RYR3: variants seen among roughly 807,000 people sequenced by gnomAD.
The protein encoded by RYR3 is brain ryanodine receptor-calcium release channel.
Under a neutral mutation model 584.3 loss-of-function variants are expected in RYR3, and 207 were observed. The observed-to-expected ratio is 0.35, with a 90% CI of 0.32 to 0.40. The LOEUF is 0.40. RYR3 is among the 10% of genes least tolerant of loss of function. The pLI is 1.00. For synonymous variants in RYR3, 2,416 were observed against 2,248.5 expected, an observed-to-expected ratio of 1.07 and a Z score of -2.11; for missense variants, 5,616 against 6,089.2, an observed-to-expected ratio of 0.92 and a Z score of 2.59.
chr15:33,668,968 A>C (rs553791989), intron 36 of RYR3, among the ~76,000 whole-genome samples: 1 of 152,298 alleles, frequency 6.6e-6, no homozygotes, highest in African/African-American at 2.4e-5. Context: ...TTGGATTAAG[A>C]AAGTAAGAAA....
At chr15:33,592,199 G>T (rs574240327) in intron 16 of RYR3, among the ~76,000 whole-genome samples, 9 of 152,300 alleles carry the variant, frequency 5.9e-5, no homozygotes, top group Admixed American at 2.0e-4. Flanking sequence ...TTTCTCATAT[G>T]ACTCTCCAAG....
intron 43 of RYR3, among the ~76,000 whole-genome samples, chr15:33,719,391 G>T (rs1349303650): frequency 6.6e-6 from 1 of 152,152 alleles, no homozygotes; most frequent in African/African-American, 2.4e-5. Context: ...CACCAACTTC[G>T]TGATGCCAAT....
At chr15:33,783,473 C>T (rs1260994644) in intron 65 of RYR3, among the ~76,000 whole-genome samples, 2 of 152,216 alleles carry the variant, frequency 1.3e-5, no homozygotes, top group African/African-American at 4.8e-5. Context: ...GTTTGTTCCA[C>T]TCAAGGGCCA....
chr15:33,514,225 G>A (rs1428074810), intron 3 of RYR3, among the ~76,000 whole-genome samples: 2 of 152,164 alleles, frequency 1.3e-5, no homozygotes, highest in South Asian at 2.1e-4. Context: ...TTGTTCGAGA[G>A]AGAAACATGC....
intron 1 of RYR3, among the ~76,000 whole-genome samples, chr15:33,457,005 C>T (rs1385005016): frequency 6.6e-6 from 1 of 151,974 alleles, no homozygotes; most frequent in Admixed American, 6.6e-5. Flanking sequence ...TAGGTAGCTA[C>T]CTGTAGATGA....
At chr15:33,652,586 A>G in intron 31 of RYR3, 132 bp from the exon 32 acceptor site, 1 of 887,276 alleles carries the variant, frequency 1.1e-6, no homozygotes, top group Non-Finnish European at 1.7e-6. Context: ...AGGAAAAAAA[A>G]GTATTTGGGG....
chr15:33,856,412 C>A (rs140934780), intron 98 of RYR3: 1 of 152,280 alleles, frequency 6.6e-6, no homozygotes, highest in Non-Finnish European at 1.5e-5. Context: ...GTCAGATGTG[C>A]AGGTCCTGTG....
intron 70 of RYR3, among the ~76,000 whole-genome samples, chr15:33,808,827 T>A (rs991859707): frequency 6.6e-6 from 1 of 152,116 alleles, no homozygotes; most frequent in Non-Finnish European, 1.5e-5. Flanking sequence ...TTCCCTCTGT[T>A]TATATTTCTT....
rs1214307398 is a variant in RYR3, at chr15:33,649,098, T to G, written c.4005T>G (p.Phe1335Leu). ...AGTGCTACTACGCCATCCGCATCTT[T>G]GCTGGACAGGATCCATCCTGTGTCT... ...TTQCYYAIRI[F>L]AGQDPSCVWV... is the part of the protein sequence containing the mutation. The change falls in exon 31 of 104, where the codon TTT becomes TTG. Residue 1335 changes from phenylalanine to leucine, a missense_variant. Phe to Leu is a conservative substitution (Grantham distance 22). This residue lies in a region of RYR3 where 753 missense variants were observed against 741.0 expected (regional missense o/e 1.02). Coordinates refer to ENST00000634891, the MANE Select transcript of RYR3 (RefSeq NM_001036.6). 1 of 1,613,654 alleles carries G rather than the reference T, an allele frequency of 6.2e-7. No homozygotes were observed. Among genetic ancestry groups the G allele is most frequent in the East Asian group, 2.2e-5 (1 of 44,880 alleles).
chr15:33,790,795 G>T (rs557289428), intron 67 of RYR3, among the ~76,000 whole-genome samples: 3 of 152,222 alleles, frequency 2.0e-5, no homozygotes, highest in East Asian at 3.9e-4. Flanking sequence ...GTACTAAGAG[G>T]TCAGGTAGAA....
chr15:33,554,666 A>G (rs1422337041), intron 10 of RYR3, among the ~76,000 whole-genome samples: 1 of 152,178 alleles, frequency 6.6e-6, no homozygotes, highest in African/African-American at 2.4e-5. Context: ...ATCTCTTCCC[A>G]GTACACACCC....
chr15:33,659,522 G>A (rs2063020679), intron 32 of RYR3, among the ~76,000 whole-genome samples, 198 bp from the exon 33 acceptor site: 1 of 152,244 alleles, frequency 6.6e-6, no homozygotes, highest in South Asian at 2.1e-4. Flanking sequence ...GCCCTGAGTG[G>A]AGACACTGTT....
chr15:33,440,710 GCT>G (rs1437497151), intron 1 of RYR3, among the ~76,000 whole-genome samples: 1 of 152,110 alleles, frequency 6.6e-6, no homozygotes, highest in African/African-American at 2.4e-5. Flanking sequence ...ACAATTCCAG[GCT>G]CTATCCCTAG....
chr15:33,824,977 T>G (rs2077301037), intron 81 of RYR3, among the ~76,000 whole-genome samples: 1 of 152,166 alleles, frequency 6.6e-6, no homozygotes, highest in Non-Finnish European at 1.5e-5. Flanking sequence ...CTAGGAAGGT[T>G]GTGGGGAGTA....
chr15:33,498,437 G>A (rs2051637003), intron 2 of RYR3, among the ~76,000 whole-genome samples: 1 of 152,088 alleles, frequency 6.6e-6, no homozygotes, highest in Admixed American at 6.6e-5. Flanking sequence ...AGTGATATGA[G>A]CATTTTTCAA....
intron 67 of RYR3, among the ~76,000 whole-genome samples, chr15:33,792,484 C>T (rs1238753957): frequency 6.6e-6 from 1 of 152,144 alleles, no homozygotes; most frequent in Non-Finnish European, 1.5e-5. Flanking sequence ...GGGTGGTGGC[C>T]ATATGCTGTG....
At chr15:33,590,179 G>A (rs2059058327) in intron 16 of RYR3, among the ~76,000 whole-genome samples, 1 of 152,174 alleles carries the variant, frequency 6.6e-6, no homozygotes, top group African/African-American at 2.4e-5. Flanking sequence ...GGTGGGGCAG[G>A]AACAAATCAC....
chr15:33,594,030 A>G (rs1268846814), intron 16 of RYR3, among the ~76,000 whole-genome samples: 1 of 152,176 alleles, frequency 6.6e-6, no homozygotes, highest in East Asian at 1.9e-4. Context: ...ACCATCAAAT[A>G]CCTATGAGTT....
intron 67 of RYR3, among the ~76,000 whole-genome samples, chr15:33,799,333 AC>A (rs2075790260): frequency 1.3e-5 from 2 of 152,116 alleles, no homozygotes. Flanking sequence ...CAGCCCCACC[AC>A]CATTTACCCT....
Sources: allele counts gnomAD v4.1 joint callset (sites outside exome capture counted in the v4.1 genomes callset), GRCh38; gene constraint gnomAD v4.1.1; regional missense constraint gnomAD v4.1.1; transcripts MANE v1.5; gene names NCBI Gene and HGNC (gene_info 2026-07-23, HGNC 2026-07-21).